The following LRMDA variants were observed in gnomAD, a reference collection of about 807,000 sequenced individuals.
LRMDA encodes the protein leucine-rich melanocyte differentiation-associated protein.
Under a neutral mutation model 29.8 loss-of-function variants are expected in LRMDA, and 18 were observed. That is an observed-to-expected ratio of 0.60 (90% CI 0.42 to 0.90). The LOEUF (loss-of-function observed/expected upper bound fraction) is 0.90. Among genes scored for constraint, LRMDA ranks in the 40% least tolerant of loss-of-function variants. LRMDA has a pLI of 0.00. For missense variants in LRMDA, 273 were observed against 273.9 expected (o/e 1.00, Z 0.02); for synonymous variants, 125 against 109.4 (o/e 1.14, Z -0.89).
At chr10:75,470,520 C>T (rs200993420) in intron 2 of LRMDA, among the ~76,000 whole-genome samples, 3 of 152,248 alleles carry the variant, frequency 2.0e-5, no homozygotes, top group South Asian at 2.1e-4. Context: ...CCCGTAAAGC[C>T]GAAGGACGGA....
chr10:75,539,271 GT>G (rs1564795663), intron 2 of LRMDA, among the ~76,000 whole-genome samples: 1 of 152,168 alleles, frequency 6.6e-6, no homozygotes, highest in Non-Finnish European at 1.5e-5. Flanking sequence ...CACACTGAAA[GT>G]TTTTTGTTTT....
At chr10:75,972,273 T>A (rs1326637026) in intron 2 of LRMDA, among the ~76,000 whole-genome samples, 1 of 151,724 alleles carries the variant, frequency 6.6e-6, no homozygotes, top group African/African-American at 2.4e-5. Context: ...TTTTGGAGTT[T>A]GGGATTTTTT....
chr10:76,382,642 A>G (rs1030784217), intron 6 of LRMDA, among the ~76,000 whole-genome samples: 1 of 152,196 alleles, frequency 6.6e-6, no homozygotes, highest in Non-Finnish European at 1.5e-5. Flanking sequence ...ATTAATCTGC[A>G]AAGTTGATGC....
intron 6 of LRMDA, among the ~76,000 whole-genome samples, chr10:76,446,617 C>T (rs958472252): frequency 6.6e-6 from 1 of 152,134 alleles, no homozygotes; most frequent in Non-Finnish European, 1.5e-5. Flanking sequence ...GTAACTAGTA[C>T]TTCCAAAATC....
In LRMDA at chr10:76,251,397, C is replaced by T. The variant is rs377074472; in HGVS notation, c.517-73004C>T. On this transcript the variant is annotated intron_variant, in intron 5 of 6. Coordinates refer to ENST00000611255, the MANE Select transcript of LRMDA (RefSeq NM_001305581.2). Reference sequence around the variant, plus strand: ...CCTCCCGAGTAGCTGGGACTACAGGCGCCCGCCACCGCGCCCGGCTAATTT... The same window carrying T: ...CCTCCCGAGTAGCTGGGACTACAGGTGCCCGCCACCGCGCCCGGCTAATTT... Among the ~76,000 whole-genome samples the T allele has an allele frequency of 1.0e-3, 156 of 151,252 alleles. 2 individuals are homozygous for T. Among genetic ancestry groups the T allele is most frequent in the Middle Eastern group, 0.01 (3 of 292 alleles).
At chr10:75,788,605 G>C (rs1415391076) in intron 2 of LRMDA, among the ~76,000 whole-genome samples, 2 of 152,212 alleles carry the variant, frequency 1.3e-5, no homozygotes, top group Non-Finnish European at 2.9e-5. Flanking sequence ...CGATTGTCTT[G>C]AGTTTGGTAG....
chr10:75,505,576 C>T (rs370862387), intron 2 of LRMDA, among the ~76,000 whole-genome samples: 1 of 152,148 alleles, frequency 6.6e-6, no homozygotes, highest in African/African-American at 2.4e-5. Flanking sequence ...TCTCCTGCAT[C>T]CCATCTCAGC....
intron 2 of LRMDA, among the ~76,000 whole-genome samples, chr10:75,489,816 C>T (rs981469640): frequency 2.0e-5 from 3 of 152,070 alleles, no homozygotes; most frequent in East Asian, 1.9e-4. Context: ...ATAAATGCTA[C>T]GAGCTTATTT....
Position 75,864,960 on chromosome 10 carries a change from A to G in LRMDA, c.132-171048A>G, listed in dbSNP as rs1305124355. Among the ~76,000 whole-genome samples the G allele has an allele frequency of 2.6e-5, 4 of 152,204 alleles. No homozygotes were observed. The East Asian group carries it at 7.7e-4, about 29-fold the overall frequency. On this transcript the variant is annotated intron_variant, in intron 2 of 6. Transcript: ENST00000611255. ...CCAGAGCCTTTCAGAATGATTTATG[A>G]CATAAAAAAATCTTCAATTTTTTCT...
chr10:76,002,067 G>A (rs764156952), intron 2 of LRMDA, among the ~76,000 whole-genome samples: 1 of 152,078 alleles, frequency 6.6e-6, no homozygotes, highest in Non-Finnish European at 1.5e-5. Flanking sequence ...TCACAGTTCT[G>A]GAGTCTGGAA....
intron 5 of LRMDA, among the ~76,000 whole-genome samples, chr10:76,267,783 C>T (rs1840024037): frequency 6.6e-6 from 1 of 152,102 alleles, no homozygotes; most frequent in Admixed American, 6.5e-5. Context: ...TTTGACACAA[C>T]CAACTTGGAA....
chr10:76,540,013 G>A (rs572357663), intron 6 of LRMDA, among the ~76,000 whole-genome samples: 1 of 151,520 alleles, frequency 6.6e-6, no homozygotes, highest in African/African-American at 2.4e-5. Flanking sequence ...CACATTCCTT[G>A]TATACACATA....
At chr10:75,843,441 G>T (rs868193200) in intron 2 of LRMDA, among the ~76,000 whole-genome samples, 4 of 152,216 alleles carry the variant, frequency 2.6e-5, no homozygotes, top group Admixed American at 6.5e-5. Context: ...ACAAGCATTG[G>T]CTTAGGGGTC....
chr10:75,745,491 A>G (rs1427223218), intron 2 of LRMDA, among the ~76,000 whole-genome samples: 1 of 152,214 alleles, frequency 6.6e-6, no homozygotes, highest in Admixed American at 6.5e-5. Flanking sequence ...TTAAAAATAA[A>G]CTTTAAAAAC....
intron 5 of LRMDA, among the ~76,000 whole-genome samples, chr10:76,126,868 G>A (rs1158896309): frequency 6.6e-6 from 1 of 152,190 alleles, no homozygotes; most frequent in African/African-American, 2.4e-5. Context: ...AAGGCTCTCA[G>A]CATTCTTCCT....
intron 6 of LRMDA, among the ~76,000 whole-genome samples, chr10:76,489,452 CA>C (rs1321620935): frequency 6.6e-6 from 1 of 151,370 alleles, no homozygotes; most frequent in African/African-American, 2.4e-5. Flanking sequence ...TTTACCTTTT[CA>C]AAAAAACAAG....
intron 5 of LRMDA, among the ~76,000 whole-genome samples, chr10:76,194,220 CG>C (rs1851295226): frequency 6.6e-6 from 1 of 152,156 alleles, no homozygotes; most frequent in East Asian, 1.9e-4. Flanking sequence ...TGAGTTATTT[CG>C]GATGGACAAG....
intron 2 of LRMDA, among the ~76,000 whole-genome samples, chr10:75,444,186 T>A (rs1844363231): frequency 1.3e-5 from 2 of 152,214 alleles, no homozygotes; most frequent in Admixed American, 1.3e-4. Flanking sequence ...CTTTCCTGCA[T>A]TAACTATGGC....
At chr10:75,447,469 T>C (rs1471493931) in intron 2 of LRMDA, among the ~76,000 whole-genome samples, 1 of 152,016 alleles carries the variant, frequency 6.6e-6, no homozygotes, top group African/African-American at 2.4e-5. Flanking sequence ...GAGGTTGCAA[T>C]GAGCCAAGAT....
Sources: allele counts gnomAD v4.1 joint callset (sites outside exome capture counted in the v4.1 genomes callset), GRCh38; gene constraint gnomAD v4.1.1; transcripts MANE v1.5; gene names NCBI Gene and HGNC (gene_info 2026-07-23, HGNC 2026-07-21).